GALNT13: variants seen among roughly 807,000 people sequenced by gnomAD.
GALNT13 encodes the protein UDP-GalNAc:polypeptide N-acetylgalactosaminyltransferase 13.
GALNT13 carries 28 observed loss-of-function variants against 64.2 expected under a neutral mutation model. The observed-to-expected ratio is 0.44, with a 90% CI of 0.32 to 0.60. The LOEUF (loss-of-function observed/expected upper bound fraction) is 0.60, where lower values mean the gene tolerates loss of function less well. Among genes scored for constraint, GALNT13 ranks in the 20% least tolerant of loss-of-function variants. The probability of loss-of-function intolerance (pLI) is 0.05; values close to 1 mark genes in which losing one functional copy is unlikely to be tolerated. For synonymous variants in GALNT13, 214 were observed against 224.6 expected, an observed-to-expected ratio of 0.95 and a Z score of 0.42; for missense variants, 577 against 669.8, an observed-to-expected ratio of 0.86 and a Z score of 1.53.
chr2:153,816,766 G>C, the GALNT13 span, among the ~76,000 whole-genome samples: 1,985 of 152,308 alleles, frequency 0.013, 35 homozygotes, highest in African/African-American at 0.043. Flanking sequence ...CAGTCTTACT[G>C]CTTGGTCCAT....
chr2:153,121,587 A>G, the GALNT13 span, among the ~76,000 whole-genome samples: 1 of 152,272 alleles, frequency 6.6e-6, no homozygotes. Context: ...GCTGGAGTAC[A>G]ATGGCATGAT....
At chr2:154,245,148 A>T (rs1465404175) in intron 6 of GALNT13, among the ~76,000 whole-genome samples, 1 of 105,986 alleles carries the variant, frequency 9.4e-6, no homozygotes, top group East Asian at 2.7e-4. Flanking sequence ...AATAAATAAA[A>T]CACCAGAGAT....
chr2:153,248,059 G>A, the GALNT13 span, among the ~76,000 whole-genome samples: 4 of 152,168 alleles, frequency 2.6e-5, no homozygotes, highest in Admixed American at 2.6e-4. Context: ...CTGAAATTCA[G>A]GCAGTAATTG....
At chr2:153,101,148 A>G in the GALNT13 span, among the ~76,000 whole-genome samples, 1 of 152,208 alleles carries the variant, frequency 6.6e-6, no homozygotes, top group African/African-American at 2.4e-5. Flanking sequence ...ATATAATGCA[A>G]ATACTCTATT....
the GALNT13 span, among the ~76,000 whole-genome samples, chr2:153,181,431 A>T: frequency 6.6e-6 from 1 of 151,230 alleles, no homozygotes; most frequent in African/African-American, 2.4e-5. Flanking sequence ...CTAACATAAG[A>T]TCTATCCTGG....
chr2:154,431,701 T>A (rs1255095652), intron 11 of GALNT13, among the ~76,000 whole-genome samples: 1 of 152,166 alleles, frequency 6.6e-6, no homozygotes, highest in Non-Finnish European at 1.5e-5. Context: ...GCTCCCATAA[T>A]CCCCACGTGT....
chr2:153,651,468 T>C, the GALNT13 span, among the ~76,000 whole-genome samples: 1 of 152,192 alleles, frequency 6.6e-6, no homozygotes, highest in African/African-American at 2.4e-5. Flanking sequence ...ATGTCCGTTG[T>C]TCTTTCAATA....
intron 9 of GALNT13, among the ~76,000 whole-genome samples, chr2:154,363,168 T>C (rs974825512): frequency 6.6e-6 from 1 of 152,220 alleles, no homozygotes; most frequent in African/African-American, 2.4e-5. Context: ...ATTACCTTTC[T>C]TGGCTTAAAA....
intron 4 of GALNT13, among the ~76,000 whole-genome samples, chr2:154,183,556 A>G (rs907321178): frequency 6.6e-6 from 1 of 152,072 alleles, no homozygotes; most frequent in Non-Finnish European, 1.5e-5. Flanking sequence ...ACAAAAAAAT[A>G]AAAACATTAG....
the GALNT13 span, among the ~76,000 whole-genome samples, chr2:153,685,018 G>A: frequency 6.6e-6 from 1 of 151,686 alleles, no homozygotes; most frequent in South Asian, 2.1e-4. Context: ...TATCCATGAT[G>A]TTTATGTATC....
intron 11 of GALNT13, among the ~76,000 whole-genome samples, chr2:154,411,504 G>GT (rs1699793620): frequency 6.6e-6 from 1 of 151,740 alleles, no homozygotes; most frequent in Non-Finnish European, 1.5e-5. Context: ...AGGTCTGCAT[G>GT]TGTGTCACTA....
At chr2:153,926,105 G>A (rs1373535915) in intron 2 of GALNT13, among the ~76,000 whole-genome samples, 1 of 151,864 alleles carries the variant, frequency 6.6e-6, no homozygotes, top group Non-Finnish European at 1.5e-5. Flanking sequence ...ATTAATAGGA[G>A]ACAACGCTTT....
the GALNT13 span, among the ~76,000 whole-genome samples, chr2:153,598,064 G>C: frequency 6.6e-6 from 1 of 152,046 alleles, no homozygotes; most frequent in Non-Finnish European, 1.5e-5. Flanking sequence ...TAAATATGAA[G>C]TATAAAACTG....
chr2:153,404,185 T>TA, the GALNT13 span, among the ~76,000 whole-genome samples: 1 of 152,158 alleles, frequency 6.6e-6, no homozygotes, highest in South Asian at 2.1e-4. Flanking sequence ...GTCTTATAGT[T>TA]CAGGGTTTTT....
chr2:153,824,156 C>T, the GALNT13 span, among the ~76,000 whole-genome samples: 3 of 151,662 alleles, frequency 2.0e-5, no homozygotes, highest in Non-Finnish European at 4.4e-5. Flanking sequence ...GAAGGCTATA[C>T]ACTGTATATA....
chr2:154,347,628 GA>G (rs1696146391), intron 9 of GALNT13, among the ~76,000 whole-genome samples: 1 of 152,090 alleles, frequency 6.6e-6, no homozygotes, highest in Admixed American at 6.6e-5. Context: ...GTCATAGAAG[GA>G]AAATGTTTGG....
chr2:153,247,486 C>A, the GALNT13 span, among the ~76,000 whole-genome samples: 2 of 152,180 alleles, frequency 1.3e-5, no homozygotes, highest in Non-Finnish European at 2.9e-5. Context: ...AAGAAACTCA[C>A]TCAAAACTGC....
At chr2:153,256,430 G>C in the GALNT13 span, among the ~76,000 whole-genome samples, 1 of 152,144 alleles carries the variant, frequency 6.6e-6, no homozygotes, top group Non-Finnish European at 1.5e-5. Context: ...CCGTAGCTCG[G>C]AGTAATTTGA....
the GALNT13 span, among the ~76,000 whole-genome samples, chr2:153,624,323 C>T: frequency 6.6e-6 from 1 of 152,112 alleles, no homozygotes; most frequent in Non-Finnish European, 1.5e-5. Flanking sequence ...ATCACTCCCT[C>T]CATTGTAAGA....
Sources: allele counts gnomAD v4.1 joint callset (sites outside exome capture counted in the v4.1 genomes callset), GRCh38; gene constraint gnomAD v4.1.1; transcripts MANE v1.5; gene names NCBI Gene and HGNC (gene_info 2026-07-23, HGNC 2026-07-21).